Variants in SDC2 observed in about 807,000 individuals in gnomAD.
SDC2 encodes the protein syndecan-2.
SDC2 carries 13 observed loss-of-function variants against 22.2 expected under a neutral mutation model. The observed-to-expected ratio is 0.59, with a 90% CI of 0.38 to 0.93. The LOEUF (loss-of-function observed/expected upper bound fraction) is 0.93, where lower values mean the gene tolerates loss of function less well. Ranked by LOEUF, SDC2 falls within the 40% of genes least tolerant of loss-of-function variation. The pLI is 0.00. For missense variants in SDC2, 235 were observed against 246.8 expected, an observed-to-expected ratio of 0.95 and a Z score of 0.32; for synonymous variants, 94 against 92.8, an observed-to-expected ratio of 1.01 and a Z score of -0.07.
At chr8:96,599,856 A>T (rs1478642130) in intron 2 of SDC2, among the ~76,000 whole-genome samples, 1 of 152,212 alleles carries the variant, frequency 6.6e-6, no homozygotes, top group African/African-American at 2.4e-5. Context: ...TGAACCGGCC[A>T]GGAGCCGGGC....
At chr8:96,532,459 AAAG>A (rs1813680169) in intron 1 of SDC2, among the ~76,000 whole-genome samples, 1 of 142,052 alleles carries the variant, frequency 7.0e-6, no homozygotes, top group East Asian at 2.0e-4. Context: ...TTGGGAAAAA[AAAG>A]AAAGAAAATC....
chr8:96,580,365 A>G (rs1004554110), intron 1 of SDC2: 1 of 985,112 alleles, frequency 1.0e-6, no homozygotes, highest in Non-Finnish European at 1.2e-6. Flanking sequence ...GTTCCAGAGC[A>G]TTTGCCAAAG....
intron 1 of SDC2, among the ~76,000 whole-genome samples, chr8:96,495,343 G>C (rs749123684): frequency 5.3e-5 from 8 of 152,208 alleles, no homozygotes; most frequent in East Asian, 1.9e-4. Context: ...CGCGCTTCGG[G>C]GGCTGGAGCT....
At chr8:96,585,834 A>G (rs1261889153) in intron 1 of SDC2, among the ~76,000 whole-genome samples, 1 of 152,030 alleles carries the variant, frequency 6.6e-6, no homozygotes, top group Non-Finnish European at 1.5e-5. Context: ...AGATGTGCCA[A>G]GTAATCCTCT....
Position 96,507,198 on chromosome 8 carries a change from TA to T in SDC2, c.60+12869del, listed in dbSNP as rs1813255287. Among the ~76,000 whole-genome samples the T allele has an allele frequency of 2.0e-5, 3 of 152,310 alleles. No homozygotes were observed. In the South Asian group the frequency reaches 6.2e-4, roughly 32 times the overall value. ...AGTGATTTATCCAAGATTACCTAGG[TA>T]ATTAGTGGCAGAGTTGTAAATTTAG... On this transcript the variant is annotated intron_variant, in intron 1 of 4. Coordinates refer to ENST00000302190, the MANE Select transcript of SDC2 (RefSeq NM_002998.4).
chr8:96,582,948 C>A (rs1814613708), intron 1 of SDC2, among the ~76,000 whole-genome samples: 1 of 152,006 alleles, frequency 6.6e-6, no homozygotes, highest in Non-Finnish European at 1.5e-5. Flanking sequence ...AACCTGAAAT[C>A]TTGCAACTGA....
chr8:96,558,282 C>T (rs1201759534), intron 1 of SDC2, among the ~76,000 whole-genome samples: 2 of 151,940 alleles, frequency 1.3e-5, no homozygotes, highest in Non-Finnish European at 2.9e-5. Flanking sequence ...GTCGGGGGTT[C>T]TGGCTCAGAG....
intron 1 of SDC2, among the ~76,000 whole-genome samples, chr8:96,526,328 G>GAAGAAATGAGAATTTTACATGCTTGACAT (rs142696050): frequency 0.23 from 34,845 of 152,032 alleles, 4,875 homozygotes; most frequent in African/African-American, 0.4. Flanking sequence ...TAGGAAAAAG[G>GAAGAAATGAGAATTTTACATGCTTGACAT]ACCAAGCTGA....
intron 1 of SDC2, among the ~76,000 whole-genome samples, chr8:96,531,954 G>A (rs1411570907): frequency 6.6e-6 from 1 of 152,226 alleles, no homozygotes; most frequent in Non-Finnish European, 1.5e-5. Context: ...TAACATCAGA[G>A]TGACTTGTTC....
chr8:96,542,986 G>A (rs772513105), intron 1 of SDC2, among the ~76,000 whole-genome samples: 34 of 152,184 alleles, frequency 2.2e-4, no homozygotes, highest in Non-Finnish European at 4.0e-4. Context: ...GAGAAAGAGG[G>A]AGGGGAACTT....
At chr8:96,546,820 T>A (rs1381980767) in intron 1 of SDC2, among the ~76,000 whole-genome samples, 1 of 152,194 alleles carries the variant, frequency 6.6e-6, no homozygotes, top group Non-Finnish European at 1.5e-5. Flanking sequence ...GTCAGAACGG[T>A]TAGCACTCTA....
At chr8:96,534,922 C>T (rs1489109894) in intron 1 of SDC2, among the ~76,000 whole-genome samples, 1 of 152,082 alleles carries the variant, frequency 6.6e-6, no homozygotes, top group African/African-American at 2.4e-5. Context: ...ATGGGTTAAC[C>T]TTTTTTTCTT....
chr8:96,518,361 GTT>G (rs35449864), intron 1 of SDC2, among the ~76,000 whole-genome samples: 179 of 125,178 alleles, frequency 1.4e-3, no homozygotes, highest in Admixed American at 1.9e-3. Context: ...ACCTTGAGAG[GTT>G]TTTTTTTTTT....
At chr8:96,495,086 G>A (rs1813048621) in intron 1 of SDC2, among the ~76,000 whole-genome samples, 1 of 152,194 alleles carries the variant, frequency 6.6e-6, no homozygotes. Context: ...GGGACGGGAG[G>A]ACATTTTCAT....
At chr8:96,532,777 T>G (rs1813687045) in intron 1 of SDC2, among the ~76,000 whole-genome samples, 1 of 152,126 alleles carries the variant, frequency 6.6e-6, no homozygotes. Flanking sequence ...ATTCACCTTC[T>G]CTGATGGGTC....
intron 1 of SDC2, among the ~76,000 whole-genome samples, chr8:96,509,330 A>C (rs1312597149): frequency 2.8e-5 from 4 of 142,300 alleles, no homozygotes; most frequent in Admixed American, 2.8e-4. Flanking sequence ...TGGACAGCTA[A>C]TTGGATGTAC....
chr8:96,559,169 G>T (rs1209801523), intron 1 of SDC2, among the ~76,000 whole-genome samples: 1 of 152,132 alleles, frequency 6.6e-6, no homozygotes, highest in Non-Finnish European at 1.5e-5. Context: ...TTGACACAAG[G>T]GCCGATGGTG....
chr8:96,531,057 T>C (rs995293086), intron 1 of SDC2, among the ~76,000 whole-genome samples: 1 of 152,182 alleles, frequency 6.6e-6, no homozygotes, highest in Non-Finnish European at 1.5e-5. Context: ...TGAGGGCTGA[T>C]GGGCATCAGA....
chr8:96,604,141 C>T (rs1815038737), intron 3 of SDC2, among the ~76,000 whole-genome samples: 1 of 152,168 alleles, frequency 6.6e-6, no homozygotes, highest in Admixed American at 6.5e-5. Flanking sequence ...TTGAGGGAAG[C>T]AACTCTCCTG....
Sources: allele counts gnomAD v4.1 joint callset (sites outside exome capture counted in the v4.1 genomes callset), GRCh38; gene constraint gnomAD v4.1.1; transcripts MANE v1.5; gene names NCBI Gene and HGNC (gene_info 2026-07-23, HGNC 2026-07-21).